The following RSRC2 variants were observed in gnomAD, a reference collection of about 807,000 sequenced individuals.
The protein encoded by RSRC2 is arginine and serine rich coiled-coil 2, also known as arginine/serine-rich coiled-coil protein 2.
A neutral mutation model predicts 61.3 loss-of-function variants in RSRC2; 5 were observed. The observed-to-expected ratio is 0.08, with a 90% CI of 0.04 to 0.17. The LOEUF is 0.17. RSRC2 is among the 10% of genes least tolerant of loss of function. The pLI is 1.00. For synonymous variants in RSRC2, 202 were observed against 166.5 expected (o/e 1.21, Z -1.64); for missense variants, 381 against 518.8 (o/e 0.73, Z 2.58).
At chr12:122,521,531 T>C (rs1241984025) in intron 2 of RSRC2, 103 bp from the exon 3 acceptor site, 6 of 908,556 alleles carry the variant, frequency 6.6e-6, no homozygotes, top group Non-Finnish European at 1.1e-5. Flanking sequence ...ATTAGTCTTC[T>C]TCCAATGACT....
chr12:122,505,750 T>TA, intron 9 of RSRC2, 44 bp from the exon 10 acceptor site: 36 of 1,499,364 alleles, frequency 2.4e-5, no homozygotes, highest in Non-Finnish European at 3.2e-5. Flanking sequence ...CAGATGGAGA[T>TA]AAATATTCTC....
chr12:122,526,684 T>G (rs887888861), intron 1 of RSRC2, among the ~76,000 whole-genome samples, 164 bp downstream of exon 1: 4 of 151,640 alleles, frequency 2.6e-5, no homozygotes, highest in Admixed American at 2.0e-4. Flanking sequence ...CCGCCTTACT[T>G]CCCCCTCCCT....
chr12:122,514,518 G>A (rs1264398795), intron 6 of RSRC2: 2 of 830,816 alleles, frequency 2.4e-6, no homozygotes, highest in Non-Finnish European at 2.9e-6. Context: ...CGCCCGCCTC[G>A]GCCTCCCAAA....
At chr12:122,514,674 C>T (rs1958777266) in intron 6 of RSRC2, 2 of 1,136,818 alleles carry the variant, frequency 1.8e-6, no homozygotes, top group Non-Finnish European at 1.1e-6. Context: ...TGTTAATTGC[C>T]ATCTTCAAAA....
rs757705663 is a variant in RSRC2 at position 122,506,912 on chromosome 12, T to C, written c.1047A>G (p.Gln349=). 8 of 1,599,666 alleles carry C rather than the reference T, an allele frequency of 5.0e-6. No individual in the cohort carries two copies. The highest frequency in any genetic ancestry group is 1.7e-4 in the Middle Eastern group (1 of 6,046). Residue 349 remains glutamine (Q), a synonymous_variant, in exon 9 of 10, where the codon CAA becomes CAG. Coordinates refer to ENST00000331738, the MANE Select transcript of RSRC2 (RefSeq NM_023012.6). ...WQGKKEGDKS[Q]SAEIWEKLNF... is the part of the protein sequence containing the mutation. ...TCAATTTTTCCCATATTTCAGCAGATTGGGATTTGTCCTGTTAACAAACAC... is the reference window on the plus strand; with the variant it reads ...TCAATTTTTCCCATATTTCAGCAGACTGGGATTTGTCCTGTTAACAAACAC...
At position 122,517,517 on chromosome 12, in the gene RSRC2, G is replaced by A. The variant is rs1259153918; in HGVS notation, c.399-87C>T. ...TCATGAATTAGTTACTTGTAGTAAC[G>A]CAATAAAGACAAGCAAGTAACTGCA... On this transcript the variant is annotated intron_variant, in intron 4 of 9. Transcript: ENST00000331738. 6.4e-5 allele frequency: 95 copies of A among 1,491,904 alleles called. 1 individual carries two copies. Among genetic ancestry groups the A allele is most frequent in the South Asian group, 1.6e-4 (14 of 85,580 alleles). 92.4% of individuals were successfully genotyped at this position (1,491,904 alleles called of 1,614,324 possible).
chr12:122,515,676 TAA>T (rs1412614447), intron 5 of RSRC2, among the ~76,000 whole-genome samples: 3 of 152,186 alleles, frequency 2.0e-5, no homozygotes, highest in Non-Finnish European at 4.4e-5. Context: ...TTTTCAAAAA[TAA>T]AAAGTTATTA....
chr12:122,508,305 G>A lies in RSRC2; in HGVS notation c.948C>T (p.Ser316=). Residue 316 remains serine (S), a synonymous_variant, in exon 8 of 10, where the codon AGC becomes AGT. Coordinates refer to ENST00000331738, the MANE Select transcript of RSRC2 (RefSeq NM_023012.6). ...GATTAACAGCGGCTGGGTTATAGTA[G>A]CTAGGAACAGCTATTCCTGTCTCTG... The part of the protein sequence containing the change: ...ALAETGIAVP[S]YYNPAAVNPM... 6.2e-7 allele frequency: 1 copy of A among 1,614,092 alleles called. No homozygotes were observed. The highest frequency in any genetic ancestry group is 2.2e-5 in the East Asian group (1 of 44,868).
At chr12:122,519,227 G>A (rs930989226) in intron 3 of RSRC2, 198 bp from the exon 4 acceptor site, 5 of 520,850 alleles carry the variant, frequency 9.6e-6, no homozygotes, top group African/African-American at 9.5e-5. Context: ...CACCCAAAAT[G>A]TAGTTCCTCC....
intron 4 of RSRC2, among the ~76,000 whole-genome samples, chr12:122,518,341 C>T (rs148761563): frequency 1.3e-5 from 2 of 152,006 alleles, no homozygotes; most frequent in East Asian, 3.9e-4. Context: ...ACCTGTAATC[C>T]CAGCACTTTG....
chr12:122,513,139 G>A (rs1185025186), intron 6 of RSRC2, among the ~76,000 whole-genome samples: 4 of 151,234 alleles, frequency 2.6e-5, no homozygotes, highest in Non-Finnish European at 5.9e-5. Flanking sequence ...AGGTTGCAGT[G>A]AGCCAAGATC....
chr12:122,515,345 G>A, intron 5 of RSRC2, 118 bp from the exon 6 acceptor site: 3 of 948,998 alleles, frequency 3.2e-6, no homozygotes, highest in East Asian at 2.6e-5. Flanking sequence ...AGTTTGAGAT[G>A]CAAAAGATTT....
In RSRC2 at chr12:122,515,952, G is replaced by A. The variant is rs540240821; in HGVS notation, c.603-725C>T. ...TGCAGTGAGCCAAGATTGTGCCATC[G>A]CACTCCAGCCTGGGCGACAGAGTGA... On this transcript the variant is annotated intron_variant, in intron 5 of 9. Transcript: ENST00000331738. 3.6e-4 allele frequency among the ~76,000 whole-genome samples: 55 copies of A among 152,202 alleles called. 4 individuals carry two copies. The South Asian group carries it at 0.011, about 30-fold the overall frequency.
chr12:122,510,358 C>T (rs932543008), intron 7 of RSRC2, among the ~76,000 whole-genome samples: 5 of 152,116 alleles, frequency 3.3e-5, no homozygotes, highest in East Asian at 1.9e-4. Context: ...GGTGAAACCC[C>T]GTCTCTACTA....
chr12:122,507,740 T>TG (rs1201579955), intron 8 of RSRC2: 1 of 154,434 alleles, frequency 6.5e-6, no homozygotes, highest in Admixed American at 6.2e-5. Flanking sequence ...TTTTTCCAGA[T>TG]GGAGTTTCGC....
At chr12:122,509,300 A>T (rs1282073542) in intron 7 of RSRC2, among the ~76,000 whole-genome samples, 4 of 151,970 alleles carry the variant, frequency 2.6e-5, no homozygotes, top group Admixed American at 2.0e-4. Flanking sequence ...CTACAAAAAA[A>T]TTAGCCAGGC....
chr12:122,514,763 A>T (rs1958784592), intron 6 of RSRC2: 1 of 1,111,096 alleles, frequency 9.0e-7, no homozygotes, highest in South Asian at 1.5e-5. Context: ...GTAAAGGAAA[A>T]GTCATCTTAG....
At chr12:122,511,222 A>T (rs753732913) in intron 6 of RSRC2, 34 bp from the exon 7 acceptor site, 40 of 1,461,214 alleles carry the variant, frequency 2.7e-5, no homozygotes, top group Non-Finnish European at 3.7e-5. Context: ...TTAAAATAAC[A>T]CAATATAAAA....
At chr12:122,517,718 A>G (rs1029725463) in intron 4 of RSRC2, among the ~76,000 whole-genome samples, 2 of 152,180 alleles carry the variant, frequency 1.3e-5, no homozygotes, top group African/African-American at 4.8e-5. Flanking sequence ...CACAGTAGTT[A>G]CAAATCTTAA....
Sources: allele counts gnomAD v4.1 joint callset (sites outside exome capture counted in the v4.1 genomes callset), GRCh38; gene constraint gnomAD v4.1.1; transcripts MANE v1.5; gene names NCBI Gene and HGNC (gene_info 2026-07-23, HGNC 2026-07-21).